SPRY3: variants seen among roughly 807,000 people sequenced by gnomAD.
The protein encoded by SPRY3 is protein sprouty homolog 3.
A neutral mutation model predicts 20.2 loss-of-function variants in SPRY3; 15 were observed. The ratio of observed to expected loss-of-function variants is 0.74; its 90% confidence interval spans 0.50 to 1.14. SPRY3 has a LOEUF of 1.14. Among genes scored for constraint, SPRY3 ranks in the 50% most tolerant of loss-of-function variants. The pLI is 0.00. For synonymous variants in SPRY3, 143 were observed against 136.5 expected, an observed-to-expected ratio of 1.05 and a Z score of -0.33; for missense variants, 364 against 363.9, an observed-to-expected ratio of 1.00 and a Z score of 0.00.
intron 2 of SPRY3, among the ~76,000 whole-genome samples, chrX:155,663,429 A>T (rs1557353907): frequency 9.0e-6 from 1 of 111,660 alleles, no homozygotes; most frequent in Non-Finnish European, 1.9e-5. Flanking sequence ...TAGAAAGAGG[A>T]TAGCCTTGTA....
chrX:155,712,434 A>G (rs1437911870), intron 2 of SPRY3, among the ~76,000 whole-genome samples: 1 of 151,962 alleles, frequency 6.6e-6, no homozygotes, highest in Non-Finnish European at 1.5e-5. Flanking sequence ...TAATCATTAT[A>G]TGATGACCTT....
intron 2 of SPRY3, among the ~76,000 whole-genome samples, chrX:155,741,744 T>A (rs2091205441): frequency 6.6e-6 from 1 of 152,046 alleles, no homozygotes; most frequent in South Asian, 2.1e-4. Context: ...CTGGCCAAAC[T>A]GAGCTTCATA....
intron 2 of SPRY3, among the ~76,000 whole-genome samples, chrX:155,738,637 C>T (rs922989771): frequency 6.6e-6 from 1 of 152,120 alleles, no homozygotes; most frequent in South Asian, 2.1e-4. Flanking sequence ...GCCCCACCCC[C>T]AGCCAAGGGA....
At chrX:155,729,803 C>T (rs1602971147) in intron 2 of SPRY3, among the ~76,000 whole-genome samples, 1 of 151,658 alleles carries the variant, frequency 6.6e-6, no homozygotes, top group East Asian at 1.9e-4. Context: ...ATTCACAAAA[C>T]TTTAGACAGA....
At chrX:155,767,069 C>A (rs955268979) in intron 2 of SPRY3, among the ~76,000 whole-genome samples, 1 of 152,022 alleles carries the variant, frequency 6.6e-6, no homozygotes, top group African/African-American at 2.4e-5. Context: ...CTCCACCCCA[C>A]CCCCACGTTC....
intron 2 of SPRY3, among the ~76,000 whole-genome samples, chrX:155,708,625 G>T (rs2124539570): frequency 6.6e-6 from 1 of 151,254 alleles, no homozygotes; most frequent in South Asian, 2.1e-4. Context: ...TCTGTACATA[G>T]CAGGTATATA....
At chrX:155,758,888 T>C (rs773158272) in intron 2 of SPRY3, among the ~76,000 whole-genome samples, 2 of 152,258 alleles carry the variant, frequency 1.3e-5, no homozygotes, top group Admixed American at 6.5e-5. Flanking sequence ...TAAATAAGTT[T>C]AGTACATTCT....
intron 2 of SPRY3, among the ~76,000 whole-genome samples, chrX:155,765,034 G>A (rs146058975): frequency 6.6e-6 from 1 of 152,016 alleles, no homozygotes; most frequent in South Asian, 2.1e-4. Flanking sequence ...GCAGGTCTTC[G>A]GGGCCTCTTT....
intron 2 of SPRY3, among the ~76,000 whole-genome samples, chrX:155,738,980 C>A (rs1364329960): frequency 1.5e-4 from 23 of 152,160 alleles, no homozygotes; most frequent in Non-Finnish European, 3.2e-4. Flanking sequence ...GGTTAGAATT[C>A]CAGCTGGCCA....
intron 2 of SPRY3, among the ~76,000 whole-genome samples, chrX:155,680,482 C>T (rs2068071381): frequency 9.1e-6 from 1 of 110,444 alleles, no homozygotes; most frequent in Non-Finnish European, 1.9e-5. Flanking sequence ...GATATTCCCC[C>T]ACAGTCATTT....
chrX:155,778,672 T>A (rs1401091099), downstream of SPRY3: 1 of 167,138 alleles, frequency 6.0e-6, no homozygotes, highest in Non-Finnish European at 1.5e-5. Flanking sequence ...CTGGTCCGTA[T>A]AACACATTTT....
intron 2 of SPRY3, among the ~76,000 whole-genome samples, chrX:155,672,842 T>A (rs1215827357): frequency 1.9e-5 from 2 of 103,094 alleles, no homozygotes; most frequent in Admixed American, 1.0e-4. Flanking sequence ...TAGACTGGAT[T>A]AAGAAAATGT....
intron 3 of SPRY3, 28 bp from the exon 3 acceptor site, chrX:155,773,738 T>A (rs2091399077): frequency 9.5e-7 from 1 of 1,049,342 alleles, no homozygotes; most frequent in Non-Finnish European, 1.4e-6. Flanking sequence ...TGTGTTCTCA[T>A]TTACTGTTTT....
At chrX:155,756,664 G>T (rs2091284455) in intron 2 of SPRY3, among the ~76,000 whole-genome samples, 1 of 152,098 alleles carries the variant, frequency 6.6e-6, no homozygotes, top group Non-Finnish European at 1.5e-5. Flanking sequence ...AATGCATGTG[G>T]AGGAGGATGG....
At chrX:155,636,829 A>G (rs1021600192) in intron 1 of SPRY3, among the ~76,000 whole-genome samples, 2 of 110,057 alleles carry the variant, frequency 1.8e-5, no homozygotes, top group Admixed American at 2.0e-4. Context: ...GGAGATTGTG[A>G]GAGTGTTTTT....
At chrX:155,751,961 AATAAAATAAAAT>A (rs1296020752) in intron 2 of SPRY3, among the ~76,000 whole-genome samples, 2 of 148,874 alleles carry the variant, frequency 1.3e-5, no homozygotes, top group African/African-American at 4.9e-5. Flanking sequence ...AATAAAATAA[AATAAAATAAAAT>A]AAAATAAAAT....
At chrX:155,681,081 G>A (rs1301276885) in intron 2 of SPRY3, among the ~76,000 whole-genome samples, 1 of 111,215 alleles carries the variant, frequency 9.0e-6, no homozygotes, top group East Asian at 2.8e-4. Context: ...GCCTCTAAGT[G>A]TTCAAGTGTG....
At chrX:155,731,215 C>T (rs891436240) in intron 2 of SPRY3, among the ~76,000 whole-genome samples, 2 of 151,914 alleles carry the variant, frequency 1.3e-5, no homozygotes, top group Non-Finnish European at 2.9e-5. Flanking sequence ...CTATCCTGAG[C>T]CAAAAGAACA....
In SPRY3 at chrX:155,636,948, A is replaced by G. The variant is rs189638671; in HGVS notation, c.-440-19919A>G. ...CTATCGCAAGAACAAAAAACCAAAC[A>G]CCACATATTCTCACTCATAGGTGGG... is the stretch of plus-strand genomic sequence containing the variant. On this transcript the variant is annotated intron_variant, in intron 1 of 3. Coordinates refer to ENST00000675360, the Ensembl canonical transcript of SPRY3. Among the ~76,000 whole-genome samples, 464 of 102,881 alleles carry G rather than the reference A, an allele frequency of 4.5e-3. 3 individuals are homozygous for G. Among genetic ancestry groups the G allele is most frequent in the African/African-American group, 0.016 (440 of 28,119 alleles). The allele number at this position is 102,881 out of a possible 115,157, so 89.3% of individuals were successfully genotyped here. A position where few individuals can be genotyped will look rare whatever the true frequency, so the allele number is the denominator to read the frequency against.
Sources: allele counts gnomAD v4.1 joint callset (sites outside exome capture counted in the v4.1 genomes callset), GRCh38; gene constraint gnomAD v4.1.1; transcripts MANE v1.5; gene names NCBI Gene and HGNC (gene_info 2026-07-23, HGNC 2026-07-21).